NAA15: variants seen among roughly 807,000 people sequenced by gnomAD.
NAA15 encodes the protein N-alpha-acetyltransferase 15, NatA auxiliary subunit, also known as N-terminal acetyltransferase.
NAA15 carries 34 observed loss-of-function variants against 114.0 expected under a neutral mutation model. That is an observed-to-expected ratio of 0.30 (90% CI 0.23 to 0.40). NAA15 has a LOEUF of 0.40. Among genes scored for constraint, NAA15 ranks in the 10% least tolerant of loss-of-function variants. The probability of loss-of-function intolerance (pLI) is 1.00; values close to 1 mark genes in which losing one functional copy is unlikely to be tolerated. For missense variants in NAA15, 658 were observed against 1,004.5 expected (o/e 0.66, Z 4.66); for synonymous variants, 340 against 338.0 (o/e 1.01, Z -0.06).
intron 1 of NAA15, among the ~76,000 whole-genome samples, chr4:139,313,915 C>T (rs943748949): frequency 8.6e-5 from 13 of 151,714 alleles, no homozygotes; most frequent in South Asian, 2.1e-4. Flanking sequence ...AAAGTCGCTG[C>T]GCTTTGCAAA....
intron 7 of NAA15, among the ~76,000 whole-genome samples, chr4:139,350,585 G>T (rs1747743270): frequency 6.6e-6 from 1 of 152,190 alleles, no homozygotes; most frequent in South Asian, 2.1e-4. Context: ...AAGGCTAGTT[G>T]TGAGCCATTG....
At chr4:139,356,384 T>C (rs1400249626) in intron 10 of NAA15, 1 of 152,218 alleles carries the variant, frequency 6.6e-6, no homozygotes, top group Non-Finnish European at 1.5e-5. Flanking sequence ...CCTGGGTGCA[T>C]ATTGCTATTG....
intron 3 of NAA15, among the ~76,000 whole-genome samples, chr4:139,339,958 A>G (rs796365426): frequency 6.6e-6 from 1 of 152,286 alleles, no homozygotes; most frequent in African/African-American, 2.4e-5. Context: ...TTGCTTATTT[A>G]TCTGTCCTTT....
Position 139,345,915 on chromosome 4 carries a change from C to T in NAA15, c.691+1576C>T, listed in dbSNP as rs187419897. The stretch of plus-strand genomic sequence containing the variant: ...CAGGCTGGGCAACAGAGCAAGACTC[C>T]GTATCAAAAAAAAAAGGGAGTGGGA... On this transcript the variant is annotated intron_variant, in intron 6 of 19. Transcript: ENST00000296543. Among the ~76,000 whole-genome samples the T allele has an allele frequency of 1.4e-3, 206 of 150,896 alleles. 2 individuals carry two copies. Among genetic ancestry groups the T allele is most frequent in the Middle Eastern group, 3.4e-3 (1 of 294 alleles).
chr4:139,376,659 G>A (rs1027026526), intron 16 of NAA15, among the ~76,000 whole-genome samples, 186 bp downstream of exon 16: 6 of 152,104 alleles, frequency 3.9e-5, no homozygotes, highest in African/African-American at 1.4e-4. Flanking sequence ...CTTCTTTTAG[G>A]ATATTAGAAT....
Position 139,327,559 on chromosome 4 carries a change from A to G in NAA15, c.55-6615A>G, listed in dbSNP as rs576399857. On this transcript the variant is annotated intron_variant, in intron 1 of 19. Coordinates refer to ENST00000296543, the MANE Select transcript of NAA15 (RefSeq NM_057175.5). ...GTGAGCCACTGCGCCCAGCCTGACC[A>G]GTAAATCTTATTCTCATTCTTTTTC... 2.7e-3 allele frequency among the ~76,000 whole-genome samples: 411 copies of G among 152,202 alleles called. 1 individual carries two copies. The highest frequency in any genetic ancestry group is 4.2e-3 in the Non-Finnish European group (289 of 68,018).
intron 1 of NAA15, among the ~76,000 whole-genome samples, chr4:139,322,230 T>G (rs902074090): frequency 6.6e-6 from 1 of 152,198 alleles, no homozygotes; most frequent in Admixed American, 6.5e-5. Flanking sequence ...TCCTGTGCTG[T>G]TCTCATGATA....
chr4:139,304,180 A>G (rs1308235215), intron 1 of NAA15, among the ~76,000 whole-genome samples: 2 of 152,250 alleles, frequency 1.3e-5, no homozygotes. Context: ...GGCCTTCCGA[A>G]GTGCTGCTAT....
intron 1 of NAA15, among the ~76,000 whole-genome samples, chr4:139,311,052 G>C (rs1746207983): frequency 6.6e-6 from 1 of 151,382 alleles, no homozygotes; most frequent in African/African-American, 2.4e-5. Flanking sequence ...AGTCTTCTGG[G>C]TAGCTGGGAC....
chr4:139,315,036 G>GTTTAGTTTAGTTTAGT (rs1560952959), intron 1 of NAA15, among the ~76,000 whole-genome samples: 2 of 82,390 alleles, frequency 2.4e-5, no homozygotes, highest in African/African-American at 1.0e-4. Flanking sequence ...GTTAGGTTAG[G>GTTTAGTTTAGTTTAGT]TTAGGTTAGG....
chr4:139,377,630 A>G (rs1039717561), intron 16 of NAA15, among the ~76,000 whole-genome samples: 6 of 152,204 alleles, frequency 3.9e-5, no homozygotes, highest in African/African-American at 1.4e-4. Flanking sequence ...AGAACTACCT[A>G]TAAATTGAAA....
chr4:139,338,216 A>T (rs540791850), intron 3 of NAA15, among the ~76,000 whole-genome samples: 1 of 152,208 alleles, frequency 6.6e-6, no homozygotes. Flanking sequence ...GAGTGGAAAG[A>T]TAGGTAATGG....
At position 139,327,110 on chromosome 4, in the gene NAA15, A is replaced by AT. The variant is rs1355706322; in HGVS notation, c.55-7057dup. ...ACCACCATGCCTGGCTAATTTTTTG[A>AT]TTTTTTTGTAGAGACAAGGTCTCAC... On this transcript the variant is annotated intron_variant, in intron 1 of 19. Coordinates refer to ENST00000296543, the MANE Select transcript of NAA15 (RefSeq NM_057175.5). 4.6e-5 allele frequency among the ~76,000 whole-genome samples: 7 copies of AT among 151,644 alleles called. No homozygotes were observed. The East Asian group carries it at 7.7e-4, about 17-fold the overall frequency.
intron 1 of NAA15, among the ~76,000 whole-genome samples, chr4:139,318,656 C>T (rs1746494327): frequency 6.6e-6 from 1 of 152,012 alleles, no homozygotes; most frequent in Non-Finnish European, 1.5e-5. Flanking sequence ...GAGTTCAAGA[C>T]CAGCCTGGCC....
Position 139,334,157 on chromosome 4 carries a change from C to A in NAA15, c.55-17C>A. The A allele has an allele frequency of 6.5e-7, 1 of 1,537,816 alleles. No individual in the cohort carries two copies. Among genetic ancestry groups the A allele is most frequent in the Non-Finnish European group, 8.8e-7 (1 of 1,133,398 alleles). ...TATTCCTTGCTAAACTTAAATTTTT[C>A]TTTTTTGTTTTGACAGAGGTGTTAT... On this transcript the variant is annotated splice_polypyrimidine_tract_variant and intron_variant, in intron 1 of 19. Coordinates refer to ENST00000296543, the MANE Select transcript of NAA15 (RefSeq NM_057175.5).
intron 1 of NAA15, among the ~76,000 whole-genome samples, chr4:139,328,628 C>T (rs1208500386): frequency 5.7e-5 from 8 of 139,144 alleles, no homozygotes; most frequent in East Asian, 2.1e-4. Context: ...AGTGCAGTGG[C>T]GTGATCTCGG....
At chr4:139,378,735 T>A (rs1748659229) in intron 16 of NAA15, 21 bp from the exon 17 acceptor site, 1 of 1,469,886 alleles carries the variant, frequency 6.8e-7, no homozygotes, top group Non-Finnish European at 9.2e-7. Flanking sequence ...TCAAAATATA[T>A]CTTACTTTCT....
intron 13 of NAA15, 80 bp from the exon 14 acceptor site, chr4:139,361,644 A>G (rs944063762): frequency 2.7e-5 from 22 of 823,458 alleles, no homozygotes; most frequent in Admixed American, 6.2e-5. Context: ...CAAAGTAACA[A>G]GTATTCCAAT....
In NAA15 at chr4:139,318,333, C is replaced by T. The variant is rs575737485; in HGVS notation, c.55-15841C>T. 6 of 151,920 alleles carry T rather than the reference C, an allele frequency of 3.9e-5. 1 individual carries two copies. The highest frequency in any genetic ancestry group is 1.4e-4 in the African/African-American group (6 of 41,426). The allele number at this position is 151,920 out of a possible 1,614,324, so 9.4% of individuals were successfully genotyped here. A position where few individuals can be genotyped will look rare whatever the true frequency, so the allele number is the denominator to read the frequency against. On this transcript the variant is annotated intron_variant, in intron 1 of 19. Coordinates refer to ENST00000296543, the MANE Select transcript of NAA15 (RefSeq NM_057175.5). Reference sequence around the variant, plus strand: ...AAAATTTAGCAATTCCATTTCGGTTCCCCCGTTTGTTTTTTTGAAACCCTA... The same window carrying T: ...AAAATTTAGCAATTCCATTTCGGTTTCCCCGTTTGTTTTTTTGAAACCCTA...
Sources: allele counts gnomAD v4.1 joint callset (sites outside exome capture counted in the v4.1 genomes callset), GRCh38; gene constraint gnomAD v4.1.1; transcripts MANE v1.5; gene names NCBI Gene and HGNC (gene_info 2026-07-23, HGNC 2026-07-21).